The following SWAP70 variants were observed in gnomAD, a reference collection of about 807,000 sequenced individuals.
SWAP70 encodes the protein switching B cell complex subunit SWAP70.
A neutral mutation model predicts 80.2 loss-of-function variants in SWAP70; 34 were observed. The observed-to-expected ratio is 0.42, with a 90% CI of 0.32 to 0.56. SWAP70 has a LOEUF of 0.56. SWAP70 is among the 20% of genes least tolerant of loss of function. The probability of loss-of-function intolerance (pLI) is 0.09; values close to 1 mark genes in which losing one functional copy is unlikely to be tolerated. For missense variants in SWAP70, 578 were observed against 690.7 expected, an observed-to-expected ratio of 0.84 and a Z score of 1.83; for synonymous variants, 239 against 238.5, an observed-to-expected ratio of 1.00 and a Z score of -0.02.
intron 1 of SWAP70, among the ~76,000 whole-genome samples, chr11:9,673,638 T>A (rs1474002023): frequency 2.6e-5 from 4 of 152,182 alleles, no homozygotes; most frequent in Non-Finnish European, 5.9e-5. Flanking sequence ...TTCTTCTTGG[T>A]CTCTCTGTGT....
chr11:9,736,191 T>G (rs1005075946), intron 7 of SWAP70, among the ~76,000 whole-genome samples: 5 of 152,156 alleles, frequency 3.3e-5, no homozygotes, highest in Non-Finnish European at 7.3e-5. Flanking sequence ...AGAATTTCCA[T>G]TTGGTTTTTT....
intron 1 of SWAP70, among the ~76,000 whole-genome samples, chr11:9,682,994 G>T (rs1383280952): frequency 6.6e-6 from 1 of 152,178 alleles, no homozygotes; most frequent in Non-Finnish European, 1.5e-5. Flanking sequence ...TTTCTAAGAA[G>T]AAATTAAAGT....
intron 1 of SWAP70, among the ~76,000 whole-genome samples, chr11:9,670,961 G>A (rs1289632780): frequency 1.3e-5 from 2 of 150,406 alleles, no homozygotes; most frequent in African/African-American, 4.9e-5. Flanking sequence ...CACCATGTTA[G>A]CCAGGCTGGT....
chr11:9,675,392 AG>A (rs1565111760), intron 1 of SWAP70, among the ~76,000 whole-genome samples: 13 of 115,138 alleles, frequency 1.1e-4, no homozygotes, highest in Admixed American at 1.7e-4. Flanking sequence ...AGAGAGAGAG[AG>A]AGAGAGAGAG....
At chr11:9,726,487 T>TC (rs1851227144) in intron 4 of SWAP70, among the ~76,000 whole-genome samples, 1 of 152,228 alleles carries the variant, frequency 6.6e-6, no homozygotes, top group South Asian at 2.1e-4. Context: ...AGACGTGGTC[T>TC]CCATCTGAAG....
At chr11:9,687,335 A>G (rs1850645125) in intron 1 of SWAP70, among the ~76,000 whole-genome samples, 1 of 152,254 alleles carries the variant, frequency 6.6e-6, no homozygotes, top group Non-Finnish European at 1.5e-5. Context: ...CCTTAGCCAT[A>G]CAATCCAAAA....
chr11:9,671,523 A>AAT (rs1461336484), intron 1 of SWAP70, among the ~76,000 whole-genome samples: 17 of 52,122 alleles, frequency 3.3e-4, no homozygotes, highest in East Asian at 5.3e-4. Flanking sequence ...TATATATATA[A>AAT]ATATATAAAT....
intron 9 of SWAP70, 49 bp from the exon 10 acceptor site, chr11:9,747,809 G>C (rs747820021): frequency 5.1e-6 from 8 of 1,576,112 alleles, no homozygotes; most frequent in South Asian, 2.2e-5. Context: ...GCTGGGTCAG[G>C]GTGGTGACCT....
At chr11:9,679,327 G>C (rs763126666) in intron 1 of SWAP70, among the ~76,000 whole-genome samples, 34 of 152,220 alleles carry the variant, frequency 2.2e-4, no homozygotes, top group Non-Finnish European at 3.7e-4. Context: ...CATATGGACA[G>C]TGTTGGAAGG....
chr11:9,673,460 C>T (rs1287141705), intron 1 of SWAP70, among the ~76,000 whole-genome samples: 1 of 152,148 alleles, frequency 6.6e-6, no homozygotes, highest in Non-Finnish European at 1.5e-5. Flanking sequence ...ATGTTCAGCT[C>T]TCTGGGAGCT....
chr11:9,748,616 G>A (rs1851542592), intron 10 of SWAP70, among the ~76,000 whole-genome samples: 2 of 152,198 alleles, frequency 1.3e-5, no homozygotes, highest in Non-Finnish European at 1.5e-5. Context: ...CACAGGAGCC[G>A]CTGAGTGGAA....
At chr11:9,719,973 C>A in intron 3 of SWAP70, 1 of 672,338 alleles carries the variant, frequency 1.5e-6, no homozygotes, top group Non-Finnish European at 1.8e-6. Flanking sequence ...CCTCGAAAAT[C>A]ACATGCATCT....
rs778224515 is a variant in SWAP70, at chr11:9,740,277, C to T, written c.1285C>T (p.Leu429=). 14 of 1,614,212 alleles carry T rather than the reference C, an allele frequency of 8.7e-6. No individual in the cohort carries two copies. In the South Asian group the frequency reaches 1.3e-4, roughly 15 times the overall value. ...VRELEDMYLK[L]QEALEDERQA... is the part of the protein sequence containing the mutation. Reference sequence around the variant, plus strand: ...GGAGCTGGAAGACATGTACCTAAAGCTGCAGGAGGCTCTTGAAGATGAGAG... The same window carrying T: ...GGAGCTGGAAGACATGTACCTAAAGTTGCAGGAGGCTCTTGAAGATGAGAG... The change falls in exon 9 of 12, where the codon CTG becomes TTG. Residue 429 remains leucine, a synonymous_variant. Coordinates refer to ENST00000318950, the MANE Select transcript of SWAP70 (RefSeq NM_015055.4).
At chr11:9,701,285 C>T (rs996193494) in intron 2 of SWAP70, among the ~76,000 whole-genome samples, 2 of 151,816 alleles carry the variant, frequency 1.3e-5, no homozygotes, top group Admixed American at 6.6e-5. Flanking sequence ...GACTCTTCTG[C>T]CTCAGCCTCC....
intron 3 of SWAP70, among the ~76,000 whole-genome samples, chr11:9,724,390 G>T (rs1851179727): frequency 6.6e-6 from 1 of 152,184 alleles, no homozygotes; most frequent in Non-Finnish European, 1.5e-5. Flanking sequence ...TCATATATCT[G>T]CAGTTTGTTT....
chr11:9,717,655 G>C (rs1851083082), intron 3 of SWAP70, among the ~76,000 whole-genome samples: 1 of 102,108 alleles, frequency 9.8e-6, no homozygotes. Flanking sequence ...GCCAGACCTT[G>C]TCTCAAAAAA....
intron 8 of SWAP70, among the ~76,000 whole-genome samples, chr11:9,739,180 A>G (rs6483649): frequency 0.099 from 15,139 of 152,246 alleles, 1,919 homozygotes; most frequent in East Asian, 0.28. Context: ...AAGAGACCCA[A>G]GATCCAGGTT....
chr11:9,679,496 G>C (rs1850541106), intron 1 of SWAP70, among the ~76,000 whole-genome samples: 1 of 152,116 alleles, frequency 6.6e-6, no homozygotes, highest in Non-Finnish European at 1.5e-5. Flanking sequence ...CTTGTAGCTT[G>C]ATGAGCAACT....
intron 2 of SWAP70, among the ~76,000 whole-genome samples, chr11:9,694,495 C>A (rs1211074997): frequency 6.6e-6 from 1 of 152,048 alleles, no homozygotes; most frequent in East Asian, 1.9e-4. Flanking sequence ...GATGTTTTTC[C>A]AACTTGGTTC....
Sources: allele counts gnomAD v4.1 joint callset (sites outside exome capture counted in the v4.1 genomes callset), GRCh38; gene constraint gnomAD v4.1.1; transcripts MANE v1.5; gene names NCBI Gene and HGNC (gene_info 2026-07-23, HGNC 2026-07-21).